KCNH8: variants seen among roughly 807,000 people sequenced by gnomAD.
The protein encoded by KCNH8 is voltage-gated delayed rectifier potassium channel KCNH8.
In KCNH8, 70 loss-of-function variants were observed where a neutral mutation model predicts 103.6. The observed-to-expected ratio is 0.68, with a 90% CI of 0.56 to 0.82. KCNH8 has a LOEUF of 0.82. Among genes scored for constraint, KCNH8 ranks in the 40% least tolerant of loss-of-function variants. KCNH8 has a pLI of 0.00. For missense variants in KCNH8, 1,217 were observed against 1,329.9 expected, an observed-to-expected ratio of 0.92 and a Z score of 1.32; for synonymous variants, 498 against 489.4, an observed-to-expected ratio of 1.02 and a Z score of -0.23.
chr3:19,383,124 T>C (rs950639493), intron 5 of KCNH8, among the ~76,000 whole-genome samples: 3 of 152,058 alleles, frequency 2.0e-5, no homozygotes, highest in East Asian at 1.9e-4. Flanking sequence ...AATATAATCT[T>C]TCCAGGAGAT....
chr3:19,504,401 G>C (rs1285738539), intron 11 of KCNH8, among the ~76,000 whole-genome samples: 1 of 151,828 alleles, frequency 6.6e-6, no homozygotes, highest in East Asian at 1.9e-4. Context: ...ACAGCCTACA[G>C]AGTGGTAGAA....
chr3:19,206,626 T>C lies in KCNH8; in HGVS notation c.77-47028T>C, dbSNP rs554808950. Among the ~76,000 whole-genome samples the C allele has an allele frequency of 1.0e-3, 156 of 152,122 alleles. 1 individual carries two copies. The highest frequency in any genetic ancestry group is 3.4e-3 in the African/African-American group (142 of 41,524). On this transcript the variant is annotated intron_variant, in intron 1 of 15. Transcript: ENST00000328405. Reference sequence around the variant, plus strand: ...GGGGGCTGGGGTGTTATCCTGTACCTTATAGGATTTTGAGCAATATTTCTA... The same window carrying C: ...GGGGGCTGGGGTGTTATCCTGTACCCTATAGGATTTTGAGCAATATTTCTA...
chr3:19,353,890 C>T (rs1419742637), intron 5 of KCNH8, among the ~76,000 whole-genome samples: 2 of 152,052 alleles, frequency 1.3e-5, no homozygotes, highest in African/African-American at 4.8e-5. Context: ...CCAGGGCAAT[C>T]AGGCAGGAGA....
intron 1 of KCNH8, among the ~76,000 whole-genome samples, chr3:19,151,008 T>TC (rs1559398092): frequency 6.6e-6 from 1 of 151,932 alleles, no homozygotes; most frequent in African/African-American, 2.4e-5. Context: ...CATTTTCTTT[T>TC]CCTTTCTTTT....
chr3:19,303,121 T>C (rs992885347), intron 3 of KCNH8, among the ~76,000 whole-genome samples: 1 of 152,186 alleles, frequency 6.6e-6, no homozygotes, highest in African/African-American at 2.4e-5. Context: ...TCACTTTTCT[T>C]TCTTGGATTA....
At chr3:19,221,911 G>A (rs1053099056) in intron 1 of KCNH8, among the ~76,000 whole-genome samples, 39 of 151,310 alleles carry the variant, frequency 2.6e-4, no homozygotes, top group African/African-American at 9.2e-4. Context: ...GCAATGGCAC[G>A]ATGTTGGCTC....
chr3:19,456,491 T>C (rs1244149709), intron 10 of KCNH8, among the ~76,000 whole-genome samples: 3 of 152,008 alleles, frequency 2.0e-5, no homozygotes, highest in African/African-American at 7.2e-5. Context: ...ATAATAACAT[T>C]CCAAAGATAT....
chr3:19,318,335 A>T (rs2065301939), intron 3 of KCNH8, among the ~76,000 whole-genome samples: 1 of 151,626 alleles, frequency 6.6e-6, no homozygotes, highest in Non-Finnish European at 1.5e-5. Context: ...TACATAAATA[A>T]GTTCTTTAGT....
intron 11 of KCNH8, among the ~76,000 whole-genome samples, chr3:19,503,371 G>A (rs1194541009): frequency 2.0e-5 from 3 of 152,170 alleles, no homozygotes; most frequent in African/African-American, 4.8e-5. Context: ...TCAGTGTGGC[G>A]ATTCCTCAGG....
intron 2 of KCNH8, among the ~76,000 whole-genome samples, chr3:19,269,181 A>G (rs537802257): frequency 6.6e-6 from 1 of 152,232 alleles, no homozygotes; most frequent in East Asian, 1.9e-4. Flanking sequence ...GATGAAAAAA[A>G]TAACTTATAA....
chr3:19,521,051 C>T (rs1256320442), intron 15 of KCNH8, among the ~76,000 whole-genome samples: 3 of 152,000 alleles, frequency 2.0e-5, no homozygotes, highest in Middle Eastern at 3.4e-3. Flanking sequence ...TGAAATAGTG[C>T]GACTCTAAGG....
intron 11 of KCNH8, among the ~76,000 whole-genome samples, chr3:19,481,936 A>G (rs376666173): frequency 3.7e-4 from 56 of 152,170 alleles, no homozygotes; most frequent in African/African-American, 1.2e-3. Flanking sequence ...ACAGACTAGA[A>G]CCCCTCAGAC....
chr3:19,384,556 G>A (rs1253399672), intron 5 of KCNH8, among the ~76,000 whole-genome samples: 3 of 152,080 alleles, frequency 2.0e-5, no homozygotes, highest in Admixed American at 2.0e-4. Flanking sequence ...TTTTTTAACT[G>A]TGACAATTTA....
chr3:19,421,205 T>G (rs999220085), intron 7 of KCNH8, among the ~76,000 whole-genome samples: 4 of 152,170 alleles, frequency 2.6e-5, no homozygotes, highest in African/African-American at 4.8e-5. Flanking sequence ...ATGCTCTATT[T>G]CATGTAAGTC....
chr3:19,499,814 G>A (rs4535245), intron 11 of KCNH8, among the ~76,000 whole-genome samples: 19,517 of 150,674 alleles, frequency 0.13, 1,828 homozygotes, highest in East Asian at 0.33. Context: ...AGAAACAACC[G>A]GTACCAGCCG....
chr3:19,455,832 C>T (rs2067523496), intron 10 of KCNH8, among the ~76,000 whole-genome samples: 1 of 151,832 alleles, frequency 6.6e-6, no homozygotes, highest in African/African-American at 2.4e-5. Flanking sequence ...TATGATGACC[C>T]GAAAGTTATT....
At position 19,224,146 on chromosome 3, in the gene KCNH8, GT is replaced by G. The variant is rs200509654; in HGVS notation, c.77-29499del. ...TTTCTCTTAATAACTTCAAAGTAAA[GT>G]TTTTTTTTCTATTTTTGGCATAAGT... is the stretch of plus-strand genomic sequence containing the variant. On this transcript the variant is annotated intron_variant, in intron 1 of 15. Coordinates refer to ENST00000328405, the MANE Select transcript of KCNH8 (RefSeq NM_144633.3). 2.8e-4 allele frequency among the ~76,000 whole-genome samples: 43 copies of G among 151,294 alleles called. No individual in the cohort carries two copies. In the South Asian group the frequency reaches 6.7e-3, roughly 24 times the overall value.
chr3:19,350,135 A>G (rs756945541), intron 5 of KCNH8, among the ~76,000 whole-genome samples: 20 of 152,126 alleles, frequency 1.3e-4, no homozygotes, highest in Non-Finnish European at 5.9e-5. Flanking sequence ...TAGCATATTT[A>G]GAAAAATGGC....
intron 2 of KCNH8, among the ~76,000 whole-genome samples, chr3:19,255,696 A>G (rs1320567023): frequency 6.6e-6 from 1 of 152,152 alleles, no homozygotes; most frequent in Non-Finnish European, 1.5e-5. Flanking sequence ...GTATATTTGA[A>G]ATAGAAACAA....
Sources: allele counts gnomAD v4.1 joint callset (sites outside exome capture counted in the v4.1 genomes callset), GRCh38; gene constraint gnomAD v4.1.1; transcripts MANE v1.5; gene names NCBI Gene and HGNC (gene_info 2026-07-23, HGNC 2026-07-21).